PARD3B: variants seen among roughly 807,000 people sequenced by gnomAD.
The protein encoded by PARD3B is par-3 family cell polarity regulator beta.
A neutral mutation model predicts 130.2 loss-of-function variants in PARD3B; 103 were observed. The observed-to-expected ratio is 0.79, with a 90% CI of 0.67 to 0.93. The LOEUF (loss-of-function observed/expected upper bound fraction) is 0.93, where lower values mean the gene tolerates loss of function less well. Among genes scored for constraint, PARD3B ranks in the 40% least tolerant of loss-of-function variants. The pLI is 0.00. For synonymous variants in PARD3B, 583 were observed against 553.2 expected (o/e 1.05, Z -0.76); for missense variants, 1,609 against 1,499.2 (o/e 1.07, Z -1.21).
intron 4 of PARD3B, among the ~76,000 whole-genome samples, chr2:205,067,685 G>A (rs1187002494): frequency 6.6e-6 from 1 of 151,822 alleles, no homozygotes; most frequent in Non-Finnish European, 1.5e-5. Flanking sequence ...TTTAATATTT[G>A]GCATGAGAAA....
chr2:204,717,770 G>A (rs1000055707), intron 2 of PARD3B, among the ~76,000 whole-genome samples: 3 of 152,148 alleles, frequency 2.0e-5, no homozygotes, highest in African/African-American at 4.8e-5. Context: ...GCCAGGATGT[G>A]ACGTGGAAGA....
chr2:205,372,551 A>T (rs954838443), intron 18 of PARD3B, among the ~76,000 whole-genome samples: 1 of 152,262 alleles, frequency 6.6e-6, no homozygotes, highest in African/African-American at 2.4e-5. Context: ...TAAAAGGTAA[A>T]TAATTGGAAA....
intron 2 of PARD3B, among the ~76,000 whole-genome samples, chr2:204,840,132 G>C (rs899529125): frequency 7.2e-5 from 11 of 152,082 alleles, no homozygotes; most frequent in African/African-American, 2.4e-4. Flanking sequence ...TAATGTAGCA[G>C]TTCATGTGAA....
chr2:204,742,968 TC>T (rs2040069737), intron 2 of PARD3B, among the ~76,000 whole-genome samples: 1 of 152,158 alleles, frequency 6.6e-6, no homozygotes, highest in African/African-American at 2.4e-5. Context: ...TCAGAGTTTG[TC>T]TTTTGGAAGT....
At chr2:204,860,062 C>T (rs115418749) in intron 2 of PARD3B, among the ~76,000 whole-genome samples, 2,394 of 152,158 alleles carry the variant, frequency 0.016, 47 homozygotes, top group Non-Finnish European at 0.02. Flanking sequence ...TGTAGAAATA[C>T]GGATTGTTTT....
intron 20 of PARD3B, among the ~76,000 whole-genome samples, chr2:205,455,905 A>G (rs906595883): frequency 2.0e-5 from 3 of 152,044 alleles, no homozygotes; most frequent in African/African-American, 7.2e-5. Flanking sequence ...TATTTTCATC[A>G]CCACAAAGAC....
At position 205,176,167 on chromosome 2, in the gene PARD3B, A is replaced by G. The variant is rs1215617988; in HGVS notation, c.1792-278A>G. Among the ~76,000 whole-genome samples the G allele has an allele frequency of 6.6e-6, 1 of 152,202 alleles. No homozygotes were observed. Among genetic ancestry groups the G allele is most frequent in the Non-Finnish European group, 1.5e-5 (1 of 68,026 alleles). On this transcript the variant is annotated intron_variant, in intron 12 of 22. Transcript: ENST00000406610. This position sits in a 1 kb window ranked among gnomAD's most constrained non-coding sequence, Gnocchi z 5.3. ...CCCAGATGGAAGAAAATTTGAAAGA[A>G]GCCAGTTATAAGTGGGAAAAGAGAA...
intron 20 of PARD3B, among the ~76,000 whole-genome samples, chr2:205,442,557 T>A (rs537006080): frequency 1.3e-5 from 2 of 152,204 alleles, no homozygotes; most frequent in Admixed American, 6.5e-5. Flanking sequence ...CACCTCGGCA[T>A]CCCAAAGTGC....
At chr2:205,096,209 A>G (rs187327377) in intron 4 of PARD3B, among the ~76,000 whole-genome samples, 1 of 152,162 alleles carries the variant, frequency 6.6e-6, no homozygotes, top group African/African-American at 2.4e-5. Context: ...TTGGTGCATT[A>G]TGACATTTTA....
At chr2:204,800,144 A>C (rs1264721898) in intron 2 of PARD3B, among the ~76,000 whole-genome samples, 2 of 152,208 alleles carry the variant, frequency 1.3e-5, no homozygotes, top group Non-Finnish European at 1.5e-5. Context: ...ACAGAGAAGG[A>C]ATTCAGAATC....
rs540278958 is a variant in PARD3B at position 204,551,422 on chromosome 2, T to C, written c.120+5303T>C. ...CTTCCCTAACAGTGAGGATAAGTTA[T>C]TGTCATCATGCTTGACTGTTTTTAC... On this transcript the variant is annotated intron_variant, in intron 1 of 22. Transcript: ENST00000406610. Among the ~76,000 whole-genome samples, 3 of 152,312 alleles carry C rather than the reference T, an allele frequency of 2.0e-5. No homozygotes were observed. The East Asian group carries it at 5.8e-4, about 29-fold the overall frequency.
chr2:204,960,279 G>A (rs1351707841), intron 2 of PARD3B, among the ~76,000 whole-genome samples: 2 of 152,084 alleles, frequency 1.3e-5, no homozygotes, highest in African/African-American at 2.4e-5. Flanking sequence ...GACAGACTGC[G>A]AACTCCACCA....
intron 1 of PARD3B, among the ~76,000 whole-genome samples, chr2:204,551,178 T>C (rs775954108): frequency 2.6e-5 from 4 of 152,204 alleles, no homozygotes; most frequent in Non-Finnish European, 5.9e-5. Flanking sequence ...GACATATTTT[T>C]GTAGGTCTGC....
chr2:204,612,762 C>T (rs114147593), intron 1 of PARD3B, among the ~76,000 whole-genome samples: 2,927 of 137,446 alleles, frequency 0.021, 93 homozygotes, highest in African/African-American at 0.074. Context: ...CCCCTCCCTA[C>T]TCTTTGGAAG....
rs372636581 is a variant in PARD3B, at chr2:205,021,594, TTCTCTC to T, written c.395-25966_395-25961del. Among the ~76,000 whole-genome samples, 200 of 144,864 alleles carry T rather than the reference TTCTCTC, an allele frequency of 1.4e-3. No individual in the cohort carries two copies. In the Middle Eastern group the frequency reaches 0.014, roughly 10 times the overall value. On this transcript the variant is annotated intron_variant, in intron 3 of 22. Transcript: ENST00000406610. This position sits in a 1 kb window ranked among gnomAD's most constrained non-coding sequence, Gnocchi z 4.5. ...TATGCTCTCTTCTCTCTCTCTTCTC[TTCTCTC>T]TCTCTCTCTCTCTCTCTCTCCCTCT...
intron 10 of PARD3B, among the ~76,000 whole-genome samples, chr2:205,157,540 C>T (rs1315311521): frequency 6.6e-6 from 1 of 152,080 alleles, no homozygotes; most frequent in Non-Finnish European, 1.5e-5. Context: ...GGCTGTGATC[C>T]GACCTCTTAA....
At chr2:204,740,309 A>G (rs1236255747) in intron 2 of PARD3B, among the ~76,000 whole-genome samples, 2 of 152,138 alleles carry the variant, frequency 1.3e-5, no homozygotes, top group Non-Finnish European at 2.9e-5. Context: ...AGTGTGAGCC[A>G]CTATGCCCGG....
intron 20 of PARD3B, among the ~76,000 whole-genome samples, chr2:205,476,314 G>T (rs2049019244): frequency 6.6e-6 from 1 of 152,140 alleles, no homozygotes; most frequent in Non-Finnish European, 1.5e-5. Flanking sequence ...TTTTTTCTAA[G>T]AAATACATTA....
intron 13 of PARD3B, among the ~76,000 whole-genome samples, chr2:205,185,268 G>T (rs1267419158): frequency 6.6e-6 from 1 of 151,994 alleles, no homozygotes; most frequent in East Asian, 1.9e-4. Context: ...GTGTTTGTGT[G>T]TGTGTGTGTG....
Sources: allele counts gnomAD v4.1 joint callset (sites outside exome capture counted in the v4.1 genomes callset), GRCh38; gene constraint gnomAD v4.1.1; non-coding constraint Gnocchi (gnomAD v3.1); transcripts MANE v1.5; gene names NCBI Gene and HGNC (gene_info 2026-07-23, HGNC 2026-07-21).